Variants in CHD7 observed in about 807,000 individuals in gnomAD.
CHD7 encodes chromodomain helicase DNA binding protein 7, also known as ATP-dependent chromatin remodeler CHD7.
CHD7 carries 24 observed loss-of-function variants against 307.3 expected under a neutral mutation model. The ratio of observed to expected loss-of-function variants is 0.08; its 90% CI spans 0.06 to 0.11. The LOEUF is 0.11. Ranked by LOEUF, CHD7 falls within the 10% of genes least tolerant of loss-of-function variation. The pLI, the probability that CHD7 is intolerant of heterozygous loss-of-function variation, is 1.00. For synonymous variants in CHD7, 1,363 were observed against 1,349.9 expected, an observed-to-expected ratio of 1.01 and a Z score of -0.21; for missense variants, 3,106 against 3,727.1, an observed-to-expected ratio of 0.83 and a Z score of 4.34.
At position 60,828,417 on chromosome 8, in the gene CHD7, C is replaced by T. The variant is rs371603911; in HGVS notation, c.3379-246C>T. ...TGATACTAAAATACTGACCTATAAC[C>T]CCAGGAAGAAACAAAATGGCAAGAC... On this transcript the variant is annotated intron_variant, in intron 13 of 37. Transcript: ENST00000423902. 5.1e-4 allele frequency among the ~76,000 whole-genome samples: 77 copies of T among 152,224 alleles called. No individual in the cohort carries two copies. In the South Asian group the frequency reaches 0.015, roughly 29 times the overall value.
At chr8:60,744,553 GA>G (rs910302205) in intron 2 of CHD7, among the ~76,000 whole-genome samples, 3 of 93,452 alleles carry the variant, frequency 3.2e-5, no homozygotes, top group African/African-American at 4.3e-5. Context: ...TTAAAAAAAA[GA>G]AAAAAAAAGT....
Position 60,867,670 on chromosome 8 carries a change from T to C in CHD7, c.*1737T>C, listed in dbSNP as rs1806282500. On this transcript the variant is annotated 3_prime_UTR_variant, in exon 38 of 38. Transcript: ENST00000423902. Reference sequence around the variant, plus strand: ...CCGCACACAGTCCACCTCCAGCCAGTGTGCTGCCAGACAGGTGGTCTAAAT... The same window carrying C: ...CCGCACACAGTCCACCTCCAGCCAGCGTGCTGCCAGACAGGTGGTCTAAAT... 1 of 152,204 alleles carries C rather than the reference T, an allele frequency of 6.6e-6. No homozygotes were observed. The highest frequency in any genetic ancestry group is 2.4e-5 in the African/African-American group (1 of 41,434). The allele number at this position is 152,204 out of a possible 1,614,324, so 9.4% of individuals were successfully genotyped here. A position where few individuals can be genotyped will look rare whatever the true frequency, so the allele number is the denominator to read the frequency against.
chr8:60,762,764 C>T (rs867840423), intron 2 of CHD7, among the ~76,000 whole-genome samples: 11 of 152,134 alleles, frequency 7.2e-5, no homozygotes, highest in South Asian at 2.1e-4. Flanking sequence ...TTTTCTCTGT[C>T]GTAGCTTCAG....
At chr8:60,850,745 A>T in intron 26 of CHD7, 123 bp downstream of exon 26, 1 of 967,748 alleles carries the variant, frequency 1.0e-6, no homozygotes, top group South Asian at 1.6e-5. Context: ...GGAGATGTTT[A>T]CCAGTCTACT....
chr8:60,843,998 C>A (rs974719323), intron 21 of CHD7, among the ~76,000 whole-genome samples: 1 of 152,238 alleles, frequency 6.6e-6, no homozygotes, highest in African/African-American at 2.4e-5. Context: ...GCTCCAAACA[C>A]AACTCTCAGT....
intron 4 of CHD7, among the ~76,000 whole-genome samples, chr8:60,796,649 A>G (rs1028625772): frequency 5.3e-5 from 8 of 151,690 alleles, no homozygotes; most frequent in African/African-American, 1.5e-4. Context: ...CATTTCAAAC[A>G]TAGAAAACTG....
At chr8:60,798,004 A>G (rs904873924) in intron 4 of CHD7, among the ~76,000 whole-genome samples, 4 of 152,228 alleles carry the variant, frequency 2.6e-5, no homozygotes, top group Non-Finnish European at 5.9e-5. Context: ...TGCGATCTTC[A>G]TGGTATTCAT....
intron 13 of CHD7, chr8:60,824,241 T>A: frequency 2.2e-6 from 1 of 463,854 alleles, no homozygotes; most frequent in East Asian, 3.1e-5. Flanking sequence ...AGTGTAATCA[T>A]GATAGTTTCA....
At chr8:60,794,719 C>T (rs1811935254) in intron 3 of CHD7, among the ~76,000 whole-genome samples, 1 of 152,152 alleles carries the variant, frequency 6.6e-6, no homozygotes. Flanking sequence ...GCTTGATATA[C>T]TGGCAGGCAT....
chr8:60,841,493 G>A (rs778052514), intron 19 of CHD7, 151 bp from the exon 20 acceptor site: 6 of 643,194 alleles, frequency 9.3e-6, no homozygotes, highest in Non-Finnish European at 1.7e-5. Flanking sequence ...GCTGCCTGAG[G>A]GCCAGTCTGT....
intron 7 of CHD7, chr8:60,808,724 A>C (rs1812652356): frequency 6.5e-6 from 1 of 154,744 alleles, no homozygotes; most frequent in African/African-American, 2.4e-5. Context: ...CTATAGCTTT[A>C]TCTGTTTTTG....
intron 1 of CHD7, among the ~76,000 whole-genome samples, chr8:60,715,326 C>CT (rs11376102): frequency 0.1 from 12,573 of 125,854 alleles, 1,288 homozygotes; most frequent in African/African-American, 0.26. Flanking sequence ...AGGGCTCTGC[C>CT]TTTTTTTTTT....
At chr8:60,721,234 A>G (rs903044641) in intron 1 of CHD7, among the ~76,000 whole-genome samples, 1 of 152,180 alleles carries the variant, frequency 6.6e-6, no homozygotes, top group African/African-American at 2.4e-5. Flanking sequence ...ATGAGGTTAT[A>G]AAGTGGTCAT....
At chr8:60,734,823 T>C (rs1048259015) in intron 1 of CHD7, among the ~76,000 whole-genome samples, 6 of 152,178 alleles carry the variant, frequency 3.9e-5, no homozygotes, top group African/African-American at 1.4e-4. Flanking sequence ...GACTGGAACC[T>C]GAAAGCTATG....
chr8:60,861,218 CT>C, intron 35 of CHD7, 93 bp downstream of exon 35: 1 of 929,900 alleles, frequency 1.1e-6, no homozygotes, highest in Non-Finnish European at 1.6e-6. Flanking sequence ...GCTGGTCCCT[CT>C]GCCTTTTCCT....
intron 13 of CHD7, among the ~76,000 whole-genome samples, chr8:60,825,729 T>C (rs1008865662): frequency 6.6e-6 from 1 of 152,250 alleles, no homozygotes; most frequent in Non-Finnish European, 1.5e-5. Context: ...AGTTGTGTTC[T>C]ATTATTAGTT....
At chr8:60,766,999 C>T (rs577790822) in intron 2 of CHD7, among the ~76,000 whole-genome samples, 7 of 151,990 alleles carry the variant, frequency 4.6e-5, no homozygotes, top group Non-Finnish European at 8.8e-5. Context: ...AATTATAGGT[C>T]GAGAAGTTGA....
At position 60,821,644 on chromosome 8, in the gene CHD7, A is replaced by G. The variant is rs1804042178; in HGVS notation, c.2698-146A>G. ...TATATACATATGTATATGTATAAACATATATATACACATACATATATATGT... is the reference window on the plus strand; with the variant it reads ...TATATACATATGTATATGTATAAACGTATATATACACATACATATATATGT... On this transcript the variant is annotated intron_variant, in intron 9 of 37. Transcript: ENST00000423902. The G allele has an allele frequency of 1.1e-5, 6 of 556,366 alleles. No homozygotes were observed. The East Asian group carries it at 2.0e-4, about 18-fold the overall frequency. The allele number at this position is 556,366 out of a possible 1,614,324, so 34.5% of individuals were successfully genotyped here. A position where few individuals can be genotyped will look rare whatever the true frequency, so the allele number is the denominator to read the frequency against.
rs1809107487 is a variant in CHD7 at position 60,742,665 on chromosome 8, A to G, written c.1233A>G (p.Pro411=). Residue 411 remains proline (P), a synonymous_variant, in exon 2 of 38, where the codon CCA becomes CCG. Coordinates refer to ENST00000423902, the MANE Select transcript of CHD7 (RefSeq NM_017780.4). ...AMSNPAGTPP[P]QVRPGSAGIP... is the part of the protein sequence containing the mutation. ...GTAATCCAGCAGGCACTCCTCCTCC[A>G]CAAGTCAGGCCGGGAAGTGCTGGGA... 1 of 1,610,504 alleles carries G rather than the reference A, an allele frequency of 6.2e-7. No homozygotes were observed. The highest frequency in any genetic ancestry group is 8.5e-7 in the Non-Finnish European group (1 of 1,177,422).
Sources: gnomAD v4.1 joint callset for allele counts (sites outside exome capture counted in the v4.1 genomes callset) on GRCh38, gnomAD v4.1.1 for gene constraint, MANE v1.5 for transcripts, NCBI Gene and HGNC (gene_info 2026-07-23, HGNC 2026-07-21) for gene names.